The following NLGN1 variants were observed in gnomAD, a reference collection of about 807,000 sequenced individuals.
NLGN1 encodes the protein neuroligin-1.
In NLGN1, 12 loss-of-function variants were observed where a neutral mutation model predicts 65.5. The ratio of observed to expected loss-of-function variants is 0.18; its 90% CI spans 0.12 to 0.30. NLGN1 has a LOEUF of 0.30. NLGN1 is among the 10% of genes least tolerant of loss of function. The pLI is 1.00. For missense variants in NLGN1, 750 were observed against 1,007.1 expected (o/e 0.74, Z 3.46); for synonymous variants, 350 against 359.5 (o/e 0.97, Z 0.30).
intron 4 of NLGN1, among the ~76,000 whole-genome samples, chr3:173,959,227 T>G (rs913423427): frequency 5.3e-5 from 8 of 152,340 alleles, no homozygotes; most frequent in African/African-American, 1.7e-4. Flanking sequence ...TTGGAAGGGC[T>G]GGGCTCCTAC....
intron 1 of NLGN1, among the ~76,000 whole-genome samples, chr3:173,415,919 G>GA (rs1713651073): frequency 8.0e-6 from 1 of 125,190 alleles, no homozygotes; most frequent in African/African-American, 3.3e-5. Flanking sequence ...AGAGAGAGAG[G>GA]GAGAGAGAGA....
At chr3:173,887,810 ACTATCAAT>A (rs1305620313) in intron 4 of NLGN1, among the ~76,000 whole-genome samples, 1 of 152,014 alleles carries the variant, frequency 6.6e-6, no homozygotes, top group African/African-American at 2.4e-5. Flanking sequence ...GGTTTTTAAA[ACTATCAAT>A]CTGTATTAGT....
At chr3:173,534,301 C>T (rs1737092427) in intron 2 of NLGN1, among the ~76,000 whole-genome samples, 1 of 152,142 alleles carries the variant, frequency 6.6e-6, no homozygotes, top group Non-Finnish European at 1.5e-5. Flanking sequence ...AGTGTTTTCA[C>T]TTTATCTTGA....
At chr3:173,550,836 A>C (rs1740728742) in intron 2 of NLGN1, among the ~76,000 whole-genome samples, 2 of 152,162 alleles carry the variant, frequency 1.3e-5, no homozygotes. Context: ...AATGGCTGTG[A>C]TTCATTAAAA....
intron 2 of NLGN1, among the ~76,000 whole-genome samples, chr3:173,488,396 T>TC (rs34136227): frequency 1.3e-5 from 2 of 152,102 alleles, no homozygotes; most frequent in Non-Finnish European, 2.9e-5. Context: ...TTTTTTATTT[T>TC]CCCCCACTTT....
At chr3:173,792,229 C>T (rs1031380444) in intron 3 of NLGN1, among the ~76,000 whole-genome samples, 3 of 152,152 alleles carry the variant, frequency 2.0e-5, no homozygotes, top group Admixed American at 1.3e-4. Context: ...TCAGAGAGCT[C>T]ATCCTTCACT....
intron 1 of NLGN1, among the ~76,000 whole-genome samples, chr3:173,408,844 T>C (rs1277737693): frequency 6.8e-6 from 1 of 147,276 alleles, no homozygotes; most frequent in African/African-American, 2.5e-5. Context: ...CCCGGGAGGC[T>C]GAGGTTGCAG....
chr3:174,115,129 T>C (rs1716104991), intron 4 of NLGN1, among the ~76,000 whole-genome samples: 1 of 152,178 alleles, frequency 6.6e-6, no homozygotes, highest in South Asian at 2.1e-4. Flanking sequence ...ATTTTTGTAC[T>C]TTCAAATTAA....
At chr3:173,911,118 G>C (rs1240925299) in intron 4 of NLGN1, among the ~76,000 whole-genome samples, 1 of 152,064 alleles carries the variant, frequency 6.6e-6, no homozygotes, top group African/African-American at 2.4e-5. Flanking sequence ...AAAACAAACT[G>C]TTATAATATC....
chr3:173,676,805 A>C (rs552956603), intron 3 of NLGN1, among the ~76,000 whole-genome samples: 1 of 152,128 alleles, frequency 6.6e-6, no homozygotes, highest in Non-Finnish European at 1.5e-5. Flanking sequence ...ATTTGTCTTC[A>C]TATGTCTCTT....
intron 3 of NLGN1, among the ~76,000 whole-genome samples, chr3:173,739,212 C>T (rs762330146): frequency 7.2e-5 from 11 of 152,030 alleles, no homozygotes; most frequent in East Asian, 3.9e-4. Flanking sequence ...TCAAATATTC[C>T]GCTCGAATAA....
intron 2 of NLGN1, among the ~76,000 whole-genome samples, chr3:173,478,434 C>A (rs999682522): frequency 6.6e-5 from 10 of 152,122 alleles, no homozygotes; most frequent in Admixed American, 2.0e-4. Context: ...GGATAAATAG[C>A]TAATGCATAC....
intron 4 of NLGN1, among the ~76,000 whole-genome samples, chr3:173,946,900 G>A (rs1747271712): frequency 6.6e-6 from 1 of 152,108 alleles, no homozygotes; most frequent in Admixed American, 6.5e-5. Context: ...ATAGTATCAT[G>A]TTTAAGTGAG....
At chr3:174,062,664 A>G (rs1207805264) in intron 4 of NLGN1, among the ~76,000 whole-genome samples, 1 of 152,086 alleles carries the variant, frequency 6.6e-6, no homozygotes, top group Admixed American at 6.6e-5. Flanking sequence ...CTTGTTATTC[A>G]GAAGATGAAA....
rs147304619 is a variant in NLGN1, at chr3:174,238,368, T to G, written c.647-36947T>G. 5.3e-3 allele frequency among the ~76,000 whole-genome samples: 801 copies of G among 152,160 alleles called. 2 individuals carry two copies. The highest frequency in any genetic ancestry group is 0.014 in the African/African-American group (593 of 41,544). On this transcript the variant is annotated intron_variant, in intron 4 of 6. Coordinates refer to ENST00000457714, the Ensembl canonical transcript of NLGN1. ...TTCACTATTATGAAGTTCTTTTTTT[T>G]TTGTTGTTTGTTTGAGATGGAGTCT...
At chr3:173,983,315 C>T (rs944973490) in intron 4 of NLGN1, among the ~76,000 whole-genome samples, 1 of 152,148 alleles carries the variant, frequency 6.6e-6, no homozygotes, top group South Asian at 2.1e-4. Flanking sequence ...ATACCCTTTT[C>T]TTTAATTTTC....
At chr3:174,275,168 A>ATTCTT (rs1561452008) in intron 4 of NLGN1, 147 bp from the exon 5 acceptor site, 1 of 621,332 alleles carries the variant, frequency 1.6e-6, no homozygotes, top group Middle Eastern at 3.9e-4. Context: ...GCTAAAGTAA[A>ATTCTT]TTCTTTTGTT....
At chr3:173,718,537 A>G (rs376392157) in intron 3 of NLGN1, among the ~76,000 whole-genome samples, 2 of 152,208 alleles carry the variant, frequency 1.3e-5, no homozygotes, top group Non-Finnish European at 2.9e-5. Context: ...AACACTGCTC[A>G]CAGCCACAAA....
At chr3:173,816,291 C>A (rs1450321217) in intron 4 of NLGN1, among the ~76,000 whole-genome samples, 1 of 152,074 alleles carries the variant, frequency 6.6e-6, no homozygotes, top group Non-Finnish European at 1.5e-5. Flanking sequence ...TTATTACATT[C>A]TCACAACTCT....
Sources: gnomAD v4.1 joint callset for allele counts (sites outside exome capture counted in the v4.1 genomes callset) on GRCh38, gnomAD v4.1.1 for gene constraint, MANE v1.5 for transcripts, NCBI Gene and HGNC (gene_info 2026-07-23, HGNC 2026-07-21) for gene names.